The following GALNTL6 variants were observed in gnomAD, a reference collection of about 807,000 sequenced individuals.
The protein encoded by GALNTL6 is polypeptide N-acetylgalactosaminyltransferase like 6.
A neutral mutation model predicts 73.7 loss-of-function variants in GALNTL6; 46 were observed. The ratio of observed to expected loss-of-function variants is 0.62; its 90% CI spans 0.49 to 0.80. The LOEUF (loss-of-function observed/expected upper bound fraction) is 0.80. Among genes scored for constraint, GALNTL6 ranks in the 30% least tolerant of loss-of-function variants. The pLI, the probability that GALNTL6 is intolerant of heterozygous loss-of-function variation, is 0.00. For missense variants in GALNTL6, 604 were observed against 755.0 expected, an observed-to-expected ratio of 0.80 and a Z score of 2.34; for synonymous variants, 259 against 263.7, an observed-to-expected ratio of 0.98 and a Z score of 0.17.
intron 2 of GALNTL6, among the ~76,000 whole-genome samples, chr4:171,842,774 C>T (rs1279833809): frequency 6.6e-6 from 1 of 152,082 alleles, no homozygotes; most frequent in East Asian, 1.9e-4. Flanking sequence ...AATCACCTCC[C>T]ACCAGGCCCC....
chr4:172,316,490 A>G (rs1740544761), intron 4 of GALNTL6, among the ~76,000 whole-genome samples: 1 of 152,174 alleles, frequency 6.6e-6, no homozygotes, highest in Non-Finnish European at 1.5e-5. Context: ...GACTTTGACA[A>G]TAAATGGAGT....
intron 5 of GALNTL6, among the ~76,000 whole-genome samples, chr4:172,789,146 A>T (rs1442003518): frequency 6.6e-6 from 1 of 152,174 alleles, no homozygotes; most frequent in African/African-American, 2.4e-5. Flanking sequence ...TAGAAAGCTC[A>T]GTCCTCAAAA....
At chr4:172,617,612 G>T (rs948624237) in intron 5 of GALNTL6, among the ~76,000 whole-genome samples, 1 of 151,810 alleles carries the variant, frequency 6.6e-6, no homozygotes, top group Non-Finnish European at 1.5e-5. Flanking sequence ...GAGTAGCTAG[G>T]ACTACAGGCG....
chr4:172,573,550 T>TA (rs753119721), intron 5 of GALNTL6, among the ~76,000 whole-genome samples: 97 of 151,958 alleles, frequency 6.4e-4, no homozygotes, highest in South Asian at 1.2e-3. Context: ...TCTATTATAA[T>TA]AAAAAAAATA....
chr4:172,920,699 T>C (rs1019437701), intron 8 of GALNTL6, among the ~76,000 whole-genome samples: 8 of 152,164 alleles, frequency 5.3e-5, no homozygotes, highest in African/African-American at 1.9e-4. Flanking sequence ...GAAATTTACA[T>C]TTGAATGTAT....
At chr4:172,714,685 C>T (rs907602929) in intron 5 of GALNTL6, among the ~76,000 whole-genome samples, 1 of 152,072 alleles carries the variant, frequency 6.6e-6, no homozygotes, top group Non-Finnish European at 1.5e-5. Context: ...ATGTGCAGAA[C>T]CTTTCAATCA....
intron 3 of GALNTL6, among the ~76,000 whole-genome samples, chr4:172,261,587 G>C (rs1048275473): frequency 4.7e-5 from 7 of 149,740 alleles, no homozygotes; most frequent in African/African-American, 7.3e-5. Context: ...GTATTTTTTT[G>C]TTTCAATTTC....
Position 172,379,315 on chromosome 4 carries a change from G to T in GALNTL6, c.553+30626G>T, listed in dbSNP as rs1273815628. ...GGAGGCCGAGGCGGGTGGATCATGA[G>T]GTCAGGAGATCGAGACCATCCTGGC... On this transcript the variant is annotated intron_variant, in intron 5 of 12. Coordinates refer to ENST00000506823, the MANE Select transcript of GALNTL6 (RefSeq NM_001034845.3). Among the ~76,000 whole-genome samples the T allele has an allele frequency of 2.0e-5, 3 of 152,068 alleles. 1 individual carries two copies. The highest frequency in any genetic ancestry group is 7.2e-5 in the African/African-American group (3 of 41,402).
chr4:172,368,513 T>A (rs938152518), intron 5 of GALNTL6, among the ~76,000 whole-genome samples: 1 of 152,260 alleles, frequency 6.6e-6, no homozygotes, highest in African/African-American at 2.4e-5. Context: ...TCTGCTGCCC[T>A]CTCATATAAA....
intron 5 of GALNTL6, among the ~76,000 whole-genome samples, chr4:172,519,294 A>C (rs915786168): frequency 6.6e-6 from 1 of 151,042 alleles, no homozygotes; most frequent in African/African-American, 2.4e-5. Context: ...TCCTTGCAGC[A>C]GTGATAAATA....
At chr4:173,021,912 T>G (rs1049158225) in intron 12 of GALNTL6, among the ~76,000 whole-genome samples, 9 of 151,696 alleles carry the variant, frequency 5.9e-5, no homozygotes, top group African/African-American at 2.2e-4. Flanking sequence ...AGAATCACTT[T>G]GAGCATGGGA....
At chr4:172,288,323 C>T (rs1045465332) in intron 3 of GALNTL6, among the ~76,000 whole-genome samples, 45 of 152,192 alleles carry the variant, frequency 3.0e-4, no homozygotes, top group African/African-American at 1.0e-3. Context: ...GATCTCCTGA[C>T]CTCGTGATCC....
Position 172,633,678 on chromosome 4 carries a change from G to C in GALNTL6, c.554-175683G>C, listed in dbSNP as rs1044868479. On this transcript the variant is annotated intron_variant, in intron 5 of 12. Transcript: ENST00000506823. ...GATTGGTTTTCGAATGTGAGGACCTGAGATCTTGGAGGGGCCAGGGGTGGA... is the reference window on the plus strand; with the variant it reads ...GATTGGTTTTCGAATGTGAGGACCTCAGATCTTGGAGGGGCCAGGGGTGGA... Among the ~76,000 whole-genome samples, 3 of 152,304 alleles carry C rather than the reference G, an allele frequency of 2.0e-5. No individual in the cohort carries two copies. In the South Asian group the frequency reaches 6.2e-4, roughly 32 times the overall value.
At chr4:171,993,307 T>C (rs1385650775) in intron 2 of GALNTL6, among the ~76,000 whole-genome samples, 3 of 152,030 alleles carry the variant, frequency 2.0e-5, no homozygotes, top group African/African-American at 7.2e-5. Flanking sequence ...TACAGGCTTA[T>C]TATGTGATAA....
rs113132990 is a variant in GALNTL6, at chr4:172,673,521, A to C, written c.554-135840A>C. ...CCAGTGCTGAGTTCAGGTCCTAAAC[A>C]TATTTGTTAGCTTTCTGTCTTGATG... On this transcript the variant is annotated intron_variant, in intron 5 of 12. Coordinates refer to ENST00000506823, the MANE Select transcript of GALNTL6 (RefSeq NM_001034845.3). Among the ~76,000 whole-genome samples the C allele has an allele frequency of 1.5e-3, 228 of 152,278 alleles. 2 individuals are homozygous for C. Among genetic ancestry groups the C allele is most frequent in the African/African-American group, 5.1e-3 (214 of 41,554 alleles).
intron 5 of GALNTL6, among the ~76,000 whole-genome samples, chr4:172,403,637 A>G (rs892787820): frequency 6.6e-6 from 1 of 152,070 alleles, no homozygotes. Flanking sequence ...TATGTCAAAA[A>G]GCATATTAAC....
intron 7 of GALNTL6, among the ~76,000 whole-genome samples, chr4:172,879,737 A>C (rs1334256965): frequency 6.6e-6 from 1 of 151,920 alleles, no homozygotes; most frequent in Admixed American, 6.6e-5. Context: ...ATTAAATCCA[A>C]AGTAAGCAGA....
intron 3 of GALNTL6, among the ~76,000 whole-genome samples, chr4:172,245,816 C>G (rs951270757): frequency 3.3e-5 from 5 of 152,126 alleles, no homozygotes; most frequent in African/African-American, 9.7e-5. Context: ...AGTGCCAGCT[C>G]TGGAGCCTGA....
intron 5 of GALNTL6, among the ~76,000 whole-genome samples, chr4:172,396,356 G>C (rs868125715): frequency 3.3e-4 from 45 of 136,618 alleles, no homozygotes; most frequent in Non-Finnish European, 5.4e-4. Context: ...TATTCTACGT[G>C]TTTTGATTTA....
Sources: gnomAD v4.1 joint callset for allele counts (sites outside exome capture counted in the v4.1 genomes callset) on GRCh38, gnomAD v4.1.1 for gene constraint, MANE v1.5 for transcripts, NCBI Gene and HGNC (gene_info 2026-07-23, HGNC 2026-07-21) for gene names.